SEC16A: variants seen among roughly 807,000 people sequenced by gnomAD.
SEC16A encodes the protein SEC16 homolog A, endoplasmic reticulum export factor, also known as protein transport protein Sec16A.
A neutral mutation model predicts 221.9 loss-of-function variants in SEC16A; 110 were observed. The observed-to-expected ratio is 0.50, with a 90% CI of 0.42 to 0.58. SEC16A has a LOEUF of 0.58. Among genes scored for constraint, SEC16A ranks in the 20% least tolerant of loss-of-function variants. SEC16A has a pLI of 0.00. For missense variants in SEC16A, 3,165 were observed against 3,097.8 expected, an observed-to-expected ratio of 1.02 and a Z score of -0.52; for synonymous variants, 1,393 against 1,257.7, an observed-to-expected ratio of 1.11 and a Z score of -2.28.
rs1424239940 is a variant in SEC16A, at chr9:136,476,714, G to A, written c.902C>T (p.Thr301Ile). Residue 301 changes from threonine to isoleucine, a missense_variant, in exon 3 of 32, where the codon ACA becomes ATA. Around this residue, in one of 3 missense-constraint regions of SEC16A, gnomAD observed 2,030 missense variants for 1,923.1 expected, o/e 1.06. Coordinates refer to ENST00000684901, the MANE Select transcript of SEC16A (RefSeq NM_014866.2). ...HLANNSDPES[T>I]FRQNPRIVNH... ...CACAATTCTGGGATTTTGCCTGAAT[G>A]TACTTTCAGGATCAGAGTTATTGGC... 2.5e-6 allele frequency: 4 copies of A among 1,589,510 alleles called. No individual in the cohort carries two copies. Among genetic ancestry groups the A allele is most frequent in the South Asian group, 2.3e-5 (2 of 88,412 alleles).
Position 136,447,099 on chromosome 9 carries a change from C to A in SEC16A, c.6697+128G>T. On this transcript the variant is annotated intron_variant, in intron 27 of 31. Transcript: ENST00000684901. The surrounding 1 kb of genome is among the most constrained non-coding windows in gnomAD (Gnocchi z 5.5). ...AATCAAAAAAAAAACCACAAACCAA[C>A]CCCAGGCTCTCTGCATGCTGGCCAG... 6.6e-7 allele frequency: 1 copy of A among 1,514,760 alleles called. No individual in the cohort carries two copies. The allele number at this position is 1,514,760 out of a possible 1,614,324, so 93.8% of individuals were successfully genotyped here.
At chr9:136,481,559 T>C (rs993831061) in intron 1 of SEC16A, among the ~76,000 whole-genome samples, 6 of 152,216 alleles carry the variant, frequency 3.9e-5, no homozygotes, top group African/African-American at 1.4e-4. Flanking sequence ...CTTGTAACCA[T>C]GTGGATACCT....
Position 136,472,082 on chromosome 9 carries a change from G to A in SEC16A, c.3597C>T (p.Tyr1199=), listed in dbSNP as rs751816979. 28 of 1,613,624 alleles carry A rather than the reference G, an allele frequency of 1.7e-5. No homozygotes were observed. Among genetic ancestry groups the A allele is most frequent in the African/African-American group, 2.7e-5 (2 of 74,940 alleles). The change falls in exon 4 of 32, where the codon TAC becomes TAT. Residue 1199 remains tyrosine (Y), a synonymous_variant. Coordinates refer to ENST00000684901, the MANE Select transcript of SEC16A (RefSeq NM_014866.2). The stretch of plus-strand genomic sequence containing the variant: ...CAGACGCAGCACCATCATAGGGCCT[G>A]TATCGAGGCTCATAGAGGCTGTAGA... ...QDVYSLYEPR[Y]RPYDGAASAY... is the part of the protein sequence containing the mutation.
rs763369898 is a variant in SEC16A at position 136,466,425 on chromosome 9, G to A, written c.3967C>T (p.Arg1323Cys). Residue 1323 changes from arginine to cysteine, a missense_variant, in exon 7 of 32, where the codon CGC becomes TGC. Arg to Cys is a radical substitution (Grantham distance 180, BLOSUM62 -3). Coordinates refer to ENST00000684901, the MANE Select transcript of SEC16A (RefSeq NM_014866.2). This position sits in a 1 kb window ranked among gnomAD's most constrained non-coding sequence, Gnocchi z 5.5. ...TCATCGTCAAAACTCCCCGTGAAGC[G>A]AGGATCGTACCTCCAGTTGTTGTCA... Reference protein sequence around the residue: ...KRDNNWRYDPRFTGSFDDDPD... With the variant: ...KRDNNWRYDPCFTGSFDDDPD... 21 of 1,607,436 alleles carry A rather than the reference G, an allele frequency of 1.3e-5. No individual in the cohort carries two copies. Among genetic ancestry groups the A allele is most frequent in the East Asian group, 4.5e-5 (2 of 44,674 alleles).
At chr9:136,482,405 T>C (rs1215626931) in intron 1 of SEC16A, among the ~76,000 whole-genome samples, 6 of 152,230 alleles carry the variant, frequency 3.9e-5, no homozygotes, top group Admixed American at 6.5e-5. Flanking sequence ...CTGATGTTTC[T>C]GAAGGCTCTA....
In SEC16A at chr9:136,476,091, G is replaced by C. The variant is rs745534567; in HGVS notation, c.1525C>G (p.Pro509Ala). 2.5e-6 allele frequency: 4 copies of C among 1,613,500 alleles called. No individual in the cohort carries two copies. The highest frequency in any genetic ancestry group is 2.7e-5 in the African/African-American group (2 of 74,902). ...RHGAVCHTGA[P>A]DATLHTVHPD... ...TGCACTGTATGCAGTGTGGCATCAG[G>C]GGCTCCGGTGTGGCACACAGCACCA... Residue 509 changes from proline to alanine, a missense_variant, in exon 3 of 32, where the codon CCT becomes GCT. Around this residue, in one of 3 missense-constraint regions of SEC16A, gnomAD observed 2,030 missense variants for 1,923.1 expected, o/e 1.06. Transcript: ENST00000684901.
intron 31 of SEC16A, 132 bp downstream of exon 31, chr9:136,443,687 CAATA>C (rs958385731): frequency 3.2e-5 from 20 of 628,016 alleles, no homozygotes; most frequent in Non-Finnish European, 3.3e-5. Context: ...GACCCTGTCT[CAATA>C]AATAAATAAA....
Position 136,457,532 on chromosome 9 carries a change from T to C in SEC16A, c.5462A>G (p.Gln1821Arg). The C allele has an allele frequency of 6.2e-7, 1 of 1,610,830 alleles. No homozygotes were observed. The highest frequency in any genetic ancestry group is 8.5e-7 in the Non-Finnish European group (1 of 1,178,398). Reference protein sequence around the residue: ...CRLAEMGLATQAFHYCEAIAK... With the variant: ...CRLAEMGLATRAFHYCEAIAK... The stretch of plus-strand genomic sequence containing the variant: ...GATGGCCTCACAGTAGTGGAAGGCT[T>C]GCGTGGCCAGCCCCATTTCCGCCAG... Residue 1821 changes from glutamine to arginine, a missense_variant, in exon 18 of 32, where the codon CAA becomes CGA. Coordinates refer to ENST00000684901, the MANE Select transcript of SEC16A (RefSeq NM_014866.2).
chr9:136,451,171 G>T, intron 23 of SEC16A, 85 bp downstream of exon 23: 1 of 1,404,432 alleles, frequency 7.1e-7, no homozygotes, highest in Non-Finnish European at 9.8e-7. Context: ...CATGTGTGGT[G>T]AATTAAGAGG....
chr9:136,468,348 G>A lies in SEC16A; in HGVS notation c.3802+67C>T, dbSNP rs559090897. 3.1e-6 allele frequency: 3 copies of A among 953,888 alleles called. No homozygotes were observed. The East Asian group carries it at 7.5e-5, about 24-fold the overall frequency. 59.1% of individuals were successfully genotyped at this position (953,888 alleles called of 1,614,324 possible). A position where few individuals can be genotyped will look rare whatever the true frequency, so the allele number is the denominator to read the frequency against. On this transcript the variant is annotated intron_variant, in intron 5 of 31. Coordinates refer to ENST00000684901, the MANE Select transcript of SEC16A (RefSeq NM_014866.2). The stretch of plus-strand genomic sequence containing the variant: ...CAGCAGGTGCTGGCTGGCCAGGGCT[G>A]CATGTCATCAGTGTCTTTTGCACAA...
intron 1 of SEC16A, among the ~76,000 whole-genome samples, chr9:136,481,693 G>C (rs1006519162): frequency 1.3e-5 from 2 of 152,096 alleles, no homozygotes; most frequent in African/African-American, 4.8e-5. Flanking sequence ...AGTGTGCCAG[G>C]AAGCCCCTGA....
intron 22 of SEC16A, among the ~76,000 whole-genome samples, chr9:136,452,885 A>G (rs1241546945): frequency 6.6e-6 from 1 of 151,504 alleles, no homozygotes; most frequent in Non-Finnish European, 1.5e-5. Flanking sequence ...AGCCTGGCCA[A>G]CATGGTGAAA....
At chr9:136,453,662 G>A (rs1838196428) in intron 21 of SEC16A, among the ~76,000 whole-genome samples, 152 bp from the exon 22 acceptor site, 1 of 151,592 alleles carries the variant, frequency 6.6e-6, no homozygotes, top group Non-Finnish European at 1.5e-5. Context: ...CTTCCCACAT[G>A]TGTGCACACT....
At position 136,475,024 on chromosome 9, in the gene SEC16A, C is replaced by G. The variant is rs1189610671; in HGVS notation, c.2592G>C (p.Val864=). 5.0e-6 allele frequency: 8 copies of G among 1,613,766 alleles called. No homozygotes were observed. The highest frequency in any genetic ancestry group is 3.3e-5 in the Admixed American group (2 of 60,008). ...EKNQSWREAL[V]GDRPAVSSWA... is the part of the protein sequence containing the mutation. ...AACTGCTGACTGCAGGTCTATCCCC[C>G]ACCAAAGCCTCTCTCCAGGACTGAT... The change falls in exon 3 of 32, where the codon GTG becomes GTC. Residue 864 remains valine (V), a synonymous_variant. Coordinates refer to ENST00000684901, the MANE Select transcript of SEC16A (RefSeq NM_014866.2). This position sits in a 1 kb window ranked among gnomAD's most constrained non-coding sequence, Gnocchi z 5.0.
At chr9:136,457,164 G>C (rs968732332) in intron 18 of SEC16A, among the ~76,000 whole-genome samples, 7 of 152,344 alleles carry the variant, frequency 4.6e-5, no homozygotes, top group East Asian at 1.9e-4. Context: ...GACAGAGTGA[G>C]ACTGCGTCTC....
Position 136,447,552 on chromosome 9 carries a change from T to A in SEC16A, c.6559+17A>T. 1.2e-6 allele frequency: 2 copies of A among 1,601,384 alleles called. No individual in the cohort carries two copies. The stretch of plus-strand genomic sequence containing the variant: ...GTTAATCGTTCAAGCAAGCTCCCAC[T>A]CCAAGGCCACCCTTACCTGCTCTTC... On this transcript the variant is annotated intron_variant, in intron 26 of 31. Coordinates refer to ENST00000684901, the MANE Select transcript of SEC16A (RefSeq NM_014866.2). The surrounding 1 kb of genome is among the most constrained non-coding windows in gnomAD (Gnocchi z 5.5).
chr9:136,472,689 C>T (rs1013950299), intron 3 of SEC16A, among the ~76,000 whole-genome samples: 24 of 152,346 alleles, frequency 1.6e-4, no homozygotes, highest in South Asian at 2.1e-4. Flanking sequence ...TTGTTCCCAA[C>T]GGGGCCCATG....
intron 18 of SEC16A, among the ~76,000 whole-genome samples, chr9:136,456,642 T>C (rs1838715416): frequency 6.6e-6 from 1 of 152,200 alleles, no homozygotes; most frequent in African/African-American, 2.4e-5. Flanking sequence ...TCTAAAAATG[T>C]CCCTAATACA....
At chr9:136,469,763 G>A (rs1840619679) in intron 4 of SEC16A, among the ~76,000 whole-genome samples, 1 of 152,234 alleles carries the variant, frequency 6.6e-6, no homozygotes. Context: ...CATCACGGGA[G>A]CTGCACACCC....
Sources: gnomAD v4.1 joint callset for allele counts (sites outside exome capture counted in the v4.1 genomes callset) on GRCh38, gnomAD v4.1.1 for gene constraint, gnomAD v4.1.1 regional missense constraint, Gnocchi (gnomAD v3.1) non-coding constraint, MANE v1.5 for transcripts, NCBI Gene and HGNC (gene_info 2026-07-23, HGNC 2026-07-21) for gene names.